The following SYN3 variants were observed in gnomAD, a reference collection of about 807,000 sequenced individuals.
The protein encoded by SYN3 is synapsin III.
Under a neutral mutation model 65.8 loss-of-function variants are expected in SYN3, and 35 were observed. The observed-to-expected ratio is 0.53, with a 90% CI of 0.41 to 0.70. The LOEUF (loss-of-function observed/expected upper bound fraction) is 0.70, where lower values mean the gene tolerates loss of function less well. SYN3 is among the 30% of genes least tolerant of loss of function. The pLI is 0.00. For synonymous variants in SYN3, 270 were observed against 292.9 expected, an observed-to-expected ratio of 0.92 and a Z score of 0.80; for missense variants, 680 against 749.0, an observed-to-expected ratio of 0.91 and a Z score of 1.08.
chr22:32,559,803 C>G (rs1321569469), intron 7 of SYN3, among the ~76,000 whole-genome samples: 3 of 148,616 alleles, frequency 2.0e-5, no homozygotes, highest in Non-Finnish European at 3.0e-5. Context: ...GCCCTCCAGC[C>G]TGGGAGACAG....
intron 6 of SYN3, among the ~76,000 whole-genome samples, chr22:32,688,978 C>T (rs1363286557): frequency 6.6e-6 from 1 of 152,196 alleles, no homozygotes; most frequent in African/African-American, 2.4e-5. Context: ...GACCCCAAGC[C>T]TCAATTTCTT....
chr22:32,838,257 A>AG lies in SYN3; in HGVS notation c.711+26657dup, dbSNP rs57557744. Among the ~76,000 whole-genome samples the AG allele has an allele frequency of 9.6e-3, 1,454 of 152,196 alleles. 23 individuals carry two copies. The highest frequency in any genetic ancestry group is 0.034 in the African/African-American group (1,395 of 41,520). ...ATTTCAAGTGGACTTGAGGAGAAGG[A>AG]GGGGGGGTGGCAAAATAAAACAAAC... On this transcript the variant is annotated intron_variant, in intron 6 of 13. Coordinates refer to ENST00000358763, the MANE Select transcript of SYN3 (RefSeq NM_003490.4).
chr22:32,780,398 A>G (rs1275298696), intron 6 of SYN3, among the ~76,000 whole-genome samples: 2 of 152,132 alleles, frequency 1.3e-5, no homozygotes, highest in Non-Finnish European at 2.9e-5. Flanking sequence ...AGTTGACTCT[A>G]AAACCAGAGG....
At chr22:33,021,402 G>A (rs1268334188) in intron 1 of SYN3, among the ~76,000 whole-genome samples, 3 of 152,220 alleles carry the variant, frequency 2.0e-5, no homozygotes, top group South Asian at 2.1e-4. Flanking sequence ...AGATATGGAA[G>A]AGTTCCATCA....
intron 6 of SYN3, among the ~76,000 whole-genome samples, chr22:32,631,016 G>A (rs2059739625): frequency 6.6e-6 from 1 of 152,218 alleles, no homozygotes; most frequent in South Asian, 2.1e-4. Flanking sequence ...GCAGAGGGCC[G>A]GGTGTGGTGG....
chr22:32,594,006 G>A (rs937584912), intron 7 of SYN3, among the ~76,000 whole-genome samples: 2 of 152,082 alleles, frequency 1.3e-5, no homozygotes, highest in African/African-American at 2.4e-5. Flanking sequence ...GATAGAGAGA[G>A]GTGGATTCCA....
intron 6 of SYN3, among the ~76,000 whole-genome samples, chr22:32,722,484 G>C (rs2061133721): frequency 2.6e-5 from 4 of 152,348 alleles, no homozygotes; most frequent in Admixed American, 2.0e-4. Flanking sequence ...CACTGAGATA[G>C]AGAAGACCAA....
chr22:32,605,289 C>T (rs1180751245), intron 6 of SYN3, among the ~76,000 whole-genome samples: 3 of 152,170 alleles, frequency 2.0e-5, no homozygotes, highest in South Asian at 4.2e-4. Flanking sequence ...AGAATTAGGG[C>T]GGACAGATCA....
intron 3 of SYN3, among the ~76,000 whole-genome samples, chr22:32,976,160 TC>T (rs2052179603): frequency 6.6e-6 from 1 of 152,190 alleles, no homozygotes; most frequent in Admixed American, 6.5e-5. Flanking sequence ...AACAGCAGCC[TC>T]CCCTGGACAG....
intron 6 of SYN3, among the ~76,000 whole-genome samples, chr22:32,773,454 G>A (rs2045827985): frequency 6.7e-6 from 1 of 150,120 alleles, no homozygotes; most frequent in Non-Finnish European, 1.5e-5. Flanking sequence ...AGTGACAGTA[G>A]TGATTCAGCT....
chr22:32,708,586 G>A (rs984150685), intron 6 of SYN3, among the ~76,000 whole-genome samples: 5 of 152,202 alleles, frequency 3.3e-5, no homozygotes, highest in Admixed American at 1.3e-4. Flanking sequence ...TCTTCAATGA[G>A]CCCTTTGGGG....
intron 2 of SYN3, among the ~76,000 whole-genome samples, chr22:32,983,157 TG>T (rs931652200): frequency 9.9e-5 from 15 of 152,198 alleles, no homozygotes; most frequent in Non-Finnish European, 1.8e-4. Flanking sequence ...AAACCTTCTC[TG>T]GGACGGAGAC....
At position 33,006,608 on chromosome 22, in the gene SYN3, T is replaced by C. The variant is rs1414285915; in HGVS notation, c.55A>G (p.Asn19Asp). ...CGTTGCAGGTCCGTCATATAGCCAT[T>C]AGGCAGGTTGGCCATGAAGCTGCTG... is the stretch of plus-strand genomic sequence containing the variant. ...SDSSFMANLPNGYMTDLQRPD... is the reference protein window; with the variant it reads ...SDSSFMANLPDGYMTDLQRPD... The change falls in exon 2 of 14, where the codon AAT (asparagine) becomes GAT (aspartate). Residue 19 changes from asparagine (N) to aspartate (D), a missense_variant. Asn to Asp is a conservative substitution (Grantham distance 23). Coordinates refer to ENST00000358763, the MANE Select transcript of SYN3 (RefSeq NM_003490.4). 2 of 1,609,010 alleles carry C rather than the reference T, an allele frequency of 1.2e-6. No homozygotes were observed. The highest frequency in any genetic ancestry group is 2.2e-5 in the East Asian group (1 of 44,778).
rs551168868 is a variant in SYN3 at position 32,963,281 on chromosome 22, T to C, written c.369+17364A>G. ...TTTTTTTTTTCAGTAGAGACAGGGTTTCACCATGTTGACCAGGCTGGTCTC... is the reference window on the plus strand; with the variant it reads ...TTTTTTTTTTCAGTAGAGACAGGGTCTCACCATGTTGACCAGGCTGGTCTC... On this transcript the variant is annotated intron_variant, in intron 3 of 13. Coordinates refer to ENST00000358763, the MANE Select transcript of SYN3 (RefSeq NM_003490.4). Among the ~76,000 whole-genome samples, 113 of 149,620 alleles carry C rather than the reference T, an allele frequency of 7.6e-4. 1 individual carries two copies. Among genetic ancestry groups the C allele is most frequent in the South Asian group, 1.7e-3 (8 of 4,624 alleles).
intron 6 of SYN3, among the ~76,000 whole-genome samples, chr22:32,639,932 C>T (rs2059872185): frequency 6.6e-6 from 1 of 152,146 alleles, no homozygotes; most frequent in African/African-American, 2.4e-5. Flanking sequence ...TTATAAAGTC[C>T]TATCCTCTTC....
chr22:32,556,471 G>A (rs1041553636), intron 7 of SYN3, among the ~76,000 whole-genome samples: 14 of 152,080 alleles, frequency 9.2e-5, no homozygotes, highest in African/African-American at 2.7e-4. Context: ...AAACTACTTC[G>A]GCCATTAATT....
chr22:32,906,603 T>A (rs138922676), intron 4 of SYN3, among the ~76,000 whole-genome samples: 3 of 152,130 alleles, frequency 2.0e-5, no homozygotes, highest in Non-Finnish European at 4.4e-5. Context: ...ACCCATCACC[T>A]AGGTTTTAAG....
chr22:32,586,575 A>G (rs948161673), intron 7 of SYN3, among the ~76,000 whole-genome samples: 3 of 152,196 alleles, frequency 2.0e-5, no homozygotes, highest in East Asian at 3.9e-4. Context: ...ACAAAAATGC[A>G]TAAGTGTGGC....
At chr22:32,671,849 GCACA>G (rs2060375587) in intron 6 of SYN3, among the ~76,000 whole-genome samples, 1 of 149,182 alleles carries the variant, frequency 6.7e-6, no homozygotes, top group African/African-American at 2.5e-5. Context: ...TCACAAAGGT[GCACA>G]CACACGCTCT....
Sources: allele counts gnomAD v4.1 joint callset (sites outside exome capture counted in the v4.1 genomes callset), GRCh38; gene constraint gnomAD v4.1.1; transcripts MANE v1.5; gene names NCBI Gene and HGNC (gene_info 2026-07-23, HGNC 2026-07-21).